The following TTC34 variants were observed in gnomAD, a reference collection of about 807,000 sequenced individuals.
TTC34 encodes tetratricopeptide repeat domain 34, also known as tetratricopeptide repeat protein 34.
Under a neutral mutation model 40.7 loss-of-function variants are expected in TTC34, and 44 were observed. That is an observed-to-expected ratio of 1.08 (90% CI 0.85 to 1.39). TTC34 has a LOEUF of 1.39. TTC34 is among the 40% of genes most tolerant of loss of function. The pLI is 0.00. For synonymous variants in TTC34, 422 were observed against 398.6 expected (o/e 1.06, Z -0.70); for missense variants, 884 against 838.0 (o/e 1.05, Z -0.68).
At chr1:2,795,637 C>A (rs1158422314) in intron 2 of TTC34, among the ~76,000 whole-genome samples, 2 of 152,220 alleles carry the variant, frequency 1.3e-5, no homozygotes, top group East Asian at 3.8e-4. Flanking sequence ...GGAGAACAGA[C>A]CCTGCATCTT....
Position 2,691,926 on chromosome 1 carries a change from T to C in TTC34, c.2227-46363A>G, listed in dbSNP as rs749907949. Among the ~76,000 whole-genome samples the C allele has an allele frequency of 3.5e-4, 20 of 57,092 alleles. 3 individuals carry two copies. The highest frequency in any genetic ancestry group is 2.8e-3 in the Admixed American group (13 of 4,718). 37.5% of individuals were successfully genotyped at this position (57,092 alleles called of 152,430 possible). ...GCACACCCAGGTGAGCATCTGACAGTCTGGAACACCACGCACAACCCCAGG... is the reference window on the plus strand; with the variant it reads ...GCACACCCAGGTGAGCATCTGACAGCCTGGAACACCACGCACAACCCCAGG... On this transcript the variant is annotated intron_variant, in intron 6 of 8. Coordinates refer to ENST00000401095, the Ensembl canonical transcript of TTC34.
At chr1:2,688,344 CGGACAGCCTGGAGCAGCACCCACACG>C (rs1640467651) in intron 6 of TTC34, among the ~76,000 whole-genome samples, 2 of 145,904 alleles carry the variant, frequency 1.4e-5, no homozygotes, top group African/African-American at 5.2e-5. Flanking sequence ...AGGTGAGCAT[CGGACAGCCTGGAGCAGCACCCACACG>C]CCCAGGTGAG....
At chr1:2,680,700 C>A (rs1570797708) in intron 6 of TTC34, among the ~76,000 whole-genome samples, 1 of 46,622 alleles carries the variant, frequency 2.1e-5, no homozygotes, top group Non-Finnish European at 5.8e-5. Flanking sequence ...CAGCACCCTG[C>A]ACCCCCAGGT....
chr1:2,640,483 C>G (rs1359609574), exon 9 of TTC34: 1 of 152,118 alleles, frequency 6.6e-6, no homozygotes, highest in Non-Finnish European at 1.5e-5. Context: ...CATCAGGGCC[C>G]CTCGGTGGTC....
intron 6 of TTC34, among the ~76,000 whole-genome samples, chr1:2,691,783 C>T (rs552859393): frequency 6.5e-5 from 6 of 91,714 alleles, no homozygotes; most frequent in Admixed American, 2.3e-4. Flanking sequence ...AGCACCCACA[C>T]CCCCAGGCGA....
intron 6 of TTC34, among the ~76,000 whole-genome samples, chr1:2,682,019 C>G (rs1265911390): frequency 8.4e-6 from 1 of 118,782 alleles, no homozygotes; most frequent in East Asian, 2.3e-4. Flanking sequence ...TGGAACAACA[C>G]CCATACCCAC....
chr1:2,657,380 C>A (rs1317488692), intron 6 of TTC34, among the ~76,000 whole-genome samples: 3 of 94,252 alleles, frequency 3.2e-5, no homozygotes, highest in South Asian at 2.9e-4. Context: ...AGCACCCACA[C>A]CCCGAGGTGA....
intron 6 of TTC34, among the ~76,000 whole-genome samples, chr1:2,769,957 G>T (rs1356372472): frequency 4.3e-5 from 3 of 70,578 alleles, no homozygotes; most frequent in Non-Finnish European, 8.0e-5. Flanking sequence ...CACACCCCCA[G>T]GTGAGCATCT....
At chr1:2,694,953 C>G (rs867380471) in intron 6 of TTC34, among the ~76,000 whole-genome samples, 3 of 151,782 alleles carry the variant, frequency 2.0e-5, no homozygotes, top group African/African-American at 7.3e-5. Context: ...CACCCACACC[C>G]CCAGGTGAGC....
At chr1:2,786,131 G>T in intron 4 of TTC34, 108 bp from the exon 5 acceptor site, 2 of 1,053,450 alleles carry the variant, frequency 1.9e-6, no homozygotes, top group Non-Finnish European at 2.6e-6. Context: ...CTGCCCCAGG[G>T]TCCACCTGGT....
At chr1:2,657,459 GC>G (rs1639390470) in intron 6 of TTC34, among the ~76,000 whole-genome samples, 2 of 46,970 alleles carry the variant, frequency 4.3e-5, no homozygotes, top group African/African-American at 7.2e-5. Flanking sequence ...CAGCACCCAC[GC>G]CCCCAGGCGA....
chr1:2,746,481 A>C, intron 6 of TTC34, among the ~76,000 whole-genome samples: 1 of 47,758 alleles, frequency 2.1e-5, no homozygotes, highest in Admixed American at 2.4e-4. Context: ...CCCCCAGGAG[A>C]GCATCTGACA....
intron 6 of TTC34, among the ~76,000 whole-genome samples, chr1:2,683,486 T>A (rs566037313): frequency 2.3e-3 from 342 of 148,880 alleles, no homozygotes; most frequent in Non-Finnish European, 4.2e-3. Context: ...CAGGCGAGCA[T>A]CTGACAGCCT....
intron 6 of TTC34, among the ~76,000 whole-genome samples, chr1:2,685,977 A>G (rs1274833961): frequency 9.0e-5 from 10 of 110,868 alleles, no homozygotes; most frequent in African/African-American, 2.4e-4. Flanking sequence ...CGAGCATCTG[A>G]CTGCATGTAT....
intron 6 of TTC34, among the ~76,000 whole-genome samples, chr1:2,751,342 T>C (rs1641312326): frequency 1.5e-5 from 2 of 137,696 alleles, no homozygotes; most frequent in African/African-American, 2.9e-5. Context: ...GGCGAGCATC[T>C]GACAGCCTGG....
chr1:2,652,359 C>A (rs796299258), intron 6 of TTC34, among the ~76,000 whole-genome samples: 11 of 9,314 alleles, frequency 1.2e-3, no homozygotes, highest in East Asian at 5.5e-3. Flanking sequence ...TGGAACAGCA[C>A]GCACACCCCC....
At chr1:2,649,749 G>A (rs1170739273) in intron 6 of TTC34, among the ~76,000 whole-genome samples, 1 of 152,108 alleles carries the variant, frequency 6.6e-6, no homozygotes, top group Non-Finnish European at 1.5e-5. Flanking sequence ...TTGAACTCCT[G>A]GTGATCCACC....
rs1641271723 is a variant in TTC34, at chr1:2,750,269, G to A, written c.2226+33340C>T. Among the ~76,000 whole-genome samples, 5 of 128,432 alleles carry A rather than the reference G, an allele frequency of 3.9e-5. 2 individuals carry two copies. The South Asian group carries it at 1.4e-3, about 35-fold the overall frequency. 84.3% of individuals were successfully genotyped at this position (128,432 alleles called of 152,430 possible). A position where few individuals can be genotyped will look rare whatever the true frequency, so the allele number is the denominator to read the frequency against. On this transcript the variant is annotated intron_variant, in intron 6 of 8. Coordinates refer to ENST00000401095, the Ensembl canonical transcript of TTC34. ...CCACAGGTGGGCATCTGACAGCCTG[G>A]AAAAGAGCCCAGACCCCCAGGTGAG...
At chr1:2,688,550 C>A (rs1391854165) in intron 6 of TTC34, among the ~76,000 whole-genome samples, 2 of 130,302 alleles carry the variant, frequency 1.5e-5, no homozygotes, top group Non-Finnish European at 3.1e-5. Flanking sequence ...AGCACCTGAA[C>A]CCACGGAGCA....
Sources: allele counts gnomAD v4.1 joint callset (sites outside exome capture counted in the v4.1 genomes callset), GRCh38; gene constraint gnomAD v4.1.1; transcripts MANE v1.5; gene names NCBI Gene and HGNC (gene_info 2026-07-23, HGNC 2026-07-21).